Variants in MAGI2 observed in about 807,000 individuals in gnomAD.
MAGI2 encodes the protein membrane-associated guanylate kinase, WW and PDZ domain-containing protein 2.
A neutral mutation model predicts 133.3 loss-of-function variants in MAGI2; 35 were observed. The ratio of observed to expected loss-of-function variants is 0.26; its 90% CI spans 0.20 to 0.35. MAGI2 has a LOEUF of 0.35. MAGI2 is among the 10% of genes least tolerant of loss of function. The probability of loss-of-function intolerance (pLI) is 1.00; values close to 1 mark genes in which losing one functional copy is unlikely to be tolerated. For synonymous variants in MAGI2, 729 were observed against 710.6 expected, an observed-to-expected ratio of 1.03 and a Z score of -0.41; for missense variants, 1,636 against 1,863.4, an observed-to-expected ratio of 0.88 and a Z score of 2.25.
chr7:79,406,380 G>A (rs1205126337), intron 1 of MAGI2, among the ~76,000 whole-genome samples: 1 of 152,042 alleles, frequency 6.6e-6, no homozygotes, highest in Non-Finnish European at 1.5e-5. Context: ...CCTGAGAGGG[G>A]CAAGGTACAA....
At chr7:79,348,551 G>A (rs896111902) in intron 1 of MAGI2, among the ~76,000 whole-genome samples, 2 of 151,906 alleles carry the variant, frequency 1.3e-5, no homozygotes, top group Non-Finnish European at 2.9e-5. Flanking sequence ...CCAGTAACTA[G>A]TTGCCTTGCA....
chr7:78,157,040 C>T (rs911663573), intron 16 of MAGI2, among the ~76,000 whole-genome samples: 1 of 152,198 alleles, frequency 6.6e-6, no homozygotes, highest in African/African-American at 2.4e-5. Context: ...ACAAGGATGG[C>T]TTTTTACCAT....
At chr7:79,266,599 T>A (rs190684708) in intron 1 of MAGI2, among the ~76,000 whole-genome samples, 1 of 152,270 alleles carries the variant, frequency 6.6e-6, no homozygotes, top group Admixed American at 6.5e-5. Flanking sequence ...AAAAGTCTTT[T>A]CTCTGGCTTA....
chr7:78,401,470 CCTCT>C (rs1284196858), intron 6 of MAGI2, among the ~76,000 whole-genome samples: 1 of 148,366 alleles, frequency 6.7e-6, no homozygotes, highest in East Asian at 2.0e-4. Flanking sequence ...TCTCTCTCCC[CCTCT>C]CTCTCTCATT....
chr7:78,742,626 T>C (rs1355611058), intron 2 of MAGI2, among the ~76,000 whole-genome samples: 1 of 152,172 alleles, frequency 6.6e-6, no homozygotes, highest in Non-Finnish European at 1.5e-5. Flanking sequence ...TGAATGAAGA[T>C]GTAAAGATGT....
chr7:78,300,149 A>G (rs1451564388), intron 9 of MAGI2, among the ~76,000 whole-genome samples: 1 of 152,196 alleles, frequency 6.6e-6, no homozygotes, highest in African/African-American at 2.4e-5. Flanking sequence ...GTTCTTGCAG[A>G]TATCTCAAAG....
At chr7:79,193,577 T>C (rs368178119) in intron 1 of MAGI2, among the ~76,000 whole-genome samples, 1 of 151,900 alleles carries the variant, frequency 6.6e-6, no homozygotes, top group East Asian at 1.9e-4. Context: ...TAAAAATGAA[T>C]GGTAAAATGC....
At chr7:78,768,636 A>C (rs992276878) in intron 2 of MAGI2, among the ~76,000 whole-genome samples, 1 of 152,204 alleles carries the variant, frequency 6.6e-6, no homozygotes, top group Non-Finnish European at 1.5e-5. Flanking sequence ...CCATCTTGTT[A>C]AAAGTATTGT....
chr7:78,756,303 A>C (rs928039343), intron 2 of MAGI2, among the ~76,000 whole-genome samples: 6 of 152,220 alleles, frequency 3.9e-5, no homozygotes, highest in African/African-American at 1.2e-4. Context: ...GCAAAGACTG[A>C]AGTGGTTCTA....
intron 1 of MAGI2, among the ~76,000 whole-genome samples, chr7:79,031,706 T>C (rs1371600021): frequency 2.6e-5 from 4 of 152,336 alleles, no homozygotes; most frequent in East Asian, 3.9e-4. Flanking sequence ...GGCTTCCCGA[T>C]GTAAAATGTA....
chr7:78,863,726 A>G (rs1304804145), intron 2 of MAGI2, among the ~76,000 whole-genome samples: 1 of 152,250 alleles, frequency 6.6e-6, no homozygotes, highest in Non-Finnish European at 1.5e-5. Flanking sequence ...AAGATCAGTC[A>G]TTCTTTGAGC....
intron 1 of MAGI2, among the ~76,000 whole-genome samples, chr7:79,282,560 CT>C (rs1179096154): frequency 6.6e-6 from 1 of 152,036 alleles, no homozygotes; most frequent in Non-Finnish European, 1.5e-5. Context: ...TCTACTACAT[CT>C]TTTAAGCCAA....
chr7:78,416,189 T>C (rs542934398), intron 6 of MAGI2, among the ~76,000 whole-genome samples: 34 of 152,198 alleles, frequency 2.2e-4, no homozygotes, highest in African/African-American at 7.9e-4. Context: ...CAATGAAGAT[T>C]AGCTAGTGGA....
At chr7:79,084,225 T>C (rs1584889522) in intron 1 of MAGI2, among the ~76,000 whole-genome samples, 1 of 151,828 alleles carries the variant, frequency 6.6e-6, no homozygotes, top group East Asian at 1.9e-4. Flanking sequence ...TTTCTAGTTT[T>C]ATAAGGTAGA....
At chr7:78,981,694 A>T (rs1347448430) in intron 2 of MAGI2, among the ~76,000 whole-genome samples, 1 of 151,774 alleles carries the variant, frequency 6.6e-6, no homozygotes, top group Non-Finnish European at 1.5e-5. Flanking sequence ...TCTTTTTCCC[A>T]TGTGGGAGCC....
chr7:78,176,220 T>G (rs143075732), intron 14 of MAGI2, among the ~76,000 whole-genome samples: 255 of 152,280 alleles, frequency 1.7e-3, no homozygotes, highest in African/African-American at 5.7e-3. Flanking sequence ...CTGAAGTTAC[T>G]TGAGCCCTGT....
chr7:78,020,772 G>T (rs962085728), intron 21 of MAGI2, among the ~76,000 whole-genome samples: 1 of 152,036 alleles, frequency 6.6e-6, no homozygotes, highest in African/African-American at 2.4e-5. Flanking sequence ...ATTCCTAGCT[G>T]CTGTCAGTTT....
intron 2 of MAGI2, chr7:79,000,394 A>T (rs537366121): frequency 6.6e-6 from 1 of 152,348 alleles, no homozygotes; most frequent in East Asian, 1.9e-4. Context: ...TTGCCTTGTT[A>T]GATGTTAACA....
intron 2 of MAGI2, among the ~76,000 whole-genome samples, chr7:78,994,470 AT>A (rs1422004453): frequency 2.0e-5 from 3 of 152,078 alleles, no homozygotes; most frequent in African/African-American, 7.2e-5. Context: ...CATTTTCATG[AT>A]TTTTTCCCTG....
Sources: gnomAD v4.1 joint callset for allele counts (sites outside exome capture counted in the v4.1 genomes callset) on GRCh38, gnomAD v4.1.1 for gene constraint, MANE v1.5 for transcripts, NCBI Gene and HGNC (gene_info 2026-07-23, HGNC 2026-07-21) for gene names.